The following ZNF83 variants were observed in gnomAD, a reference collection of about 807,000 sequenced individuals.
ZNF83 encodes zinc finger protein 816B.
For synonymous variants in ZNF83, 209 were observed against 213.0 expected (o/e 0.98, Z 0.17); for missense variants, 552 against 629.9 (o/e 0.88, Z 1.32).
intron 2 of ZNF83, among the ~76,000 whole-genome samples, chr19:52,622,705 C>A (rs1302536522): frequency 6.6e-6 from 1 of 152,244 alleles, no homozygotes; most frequent in African/African-American, 2.4e-5. Context: ...CACTTTACAG[C>A]CCTAGACCCT....
chr19:52,690,487 G>C (rs1043072072), exon 1 of ZNF83: 5 of 185,748 alleles, frequency 2.7e-5, no homozygotes, highest in African/African-American at 1.2e-4. Context: ...TTCCAGATTT[G>C]CGAGAATCTG....
intron 1 of ZNF83, among the ~76,000 whole-genome samples, chr19:52,676,430 G>C (rs935399699): frequency 2.6e-5 from 4 of 152,102 alleles, no homozygotes; most frequent in African/African-American, 9.6e-5. Context: ...GAGCGTCTCT[G>C]CCTGGCCGCC....
chr19:52,661,029 T>G (rs1315271936), intron 1 of ZNF83, among the ~76,000 whole-genome samples: 2 of 151,998 alleles, frequency 1.3e-5, no homozygotes, highest in Non-Finnish European at 2.9e-5. Context: ...GATGCACAGC[T>G]AATTTTTGTA....
At chr19:52,633,517 G>A (rs2061043469) in intron 2 of ZNF83, among the ~76,000 whole-genome samples, 1 of 152,208 alleles carries the variant, frequency 6.6e-6, no homozygotes, top group African/African-American at 2.4e-5. Context: ...CGGCTCCCCA[G>A]TGAGGCTGGA....
chr19:52,618,926 T>C (rs2060425910), intron 2 of ZNF83: 1 of 1,548,430 alleles, frequency 6.5e-7, no homozygotes, highest in Non-Finnish European at 8.8e-7. Flanking sequence ...TGGAGGGAAG[T>C]TATCCTCACC....
intron 2 of ZNF83, among the ~76,000 whole-genome samples, chr19:52,619,365 C>T (rs931878873): frequency 1.3e-5 from 2 of 152,182 alleles, no homozygotes; most frequent in Non-Finnish European, 2.9e-5. Flanking sequence ...CTGTGGCTCA[C>T]GCCTGTAATC....
intron 1 of ZNF83, chr19:52,636,387 T>A (rs1190830474): frequency 6.6e-6 from 1 of 151,836 alleles, no homozygotes; most frequent in East Asian, 1.9e-4. Context: ...ACTGCCCCAC[T>A]CCCTACCCCA....
At chr19:52,674,428 C>A (rs2061771041) in intron 1 of ZNF83, among the ~76,000 whole-genome samples, 1 of 151,996 alleles carries the variant, frequency 6.6e-6, no homozygotes, top group South Asian at 2.1e-4. Flanking sequence ...CTAGCCAGAG[C>A]AATGAAATAG....
At chr19:52,682,764 G>C (rs2061943652) in intron 1 of ZNF83, among the ~76,000 whole-genome samples, 1 of 152,158 alleles carries the variant, frequency 6.6e-6, no homozygotes, top group South Asian at 2.1e-4. Flanking sequence ...TAGCTCTTTG[G>C]GAGGCTAAAA....
At chr19:52,649,494 C>T (rs140249931) in intron 3 of ZNF83, among the ~76,000 whole-genome samples, 20 of 152,124 alleles carry the variant, frequency 1.3e-4, no homozygotes, top group African/African-American at 2.9e-4. Context: ...CAGAAATTCC[C>T]GACCCAAGAT....
rs1176393787 is a variant in ZNF83 at position 52,621,175 on chromosome 19, G to A, written c.-233-6378C>T. Among the ~76,000 whole-genome samples, 3 of 152,272 alleles carry A rather than the reference G, an allele frequency of 2.0e-5. No homozygotes were observed. In the East Asian group the frequency reaches 5.8e-4, roughly 29 times the overall value. ...ACTGATCCCCTGTCCTGATCTCCAT[G>A]AGGAGCTCCAGCTACGACCTCAGGT... On this transcript the variant is annotated intron_variant, in intron 2 of 2. Transcript: ENST00000301096.
exon 3 of ZNF83, chr19:52,613,761 C>G: frequency 7.1e-7 from 1 of 1,399,778 alleles, no homozygotes; most frequent in Non-Finnish European, 9.3e-7. Context: ...GATGGAAGAC[C>G]TTTCCACATA....
At chr19:52,614,409 T>C (rs1254150953) in exon 3 of ZNF83, 1 of 1,613,566 alleles carries the variant, frequency 6.2e-7, no homozygotes, top group East Asian at 2.2e-5. Flanking sequence ...GTGGGGAAAC[T>C]AAGGAACTAC....
exon 3 of ZNF83, chr19:52,614,188 C>CAT (rs781696776): frequency 1.9e-6 from 3 of 1,614,112 alleles, no homozygotes; most frequent in Non-Finnish European, 2.5e-6. Flanking sequence ...GATCTTGCCA[C>CAT]ATATATCACA....
At chr19:52,647,134 C>G (rs115349665) in intron 3 of ZNF83, among the ~76,000 whole-genome samples, 1 of 152,092 alleles carries the variant, frequency 6.6e-6, no homozygotes, top group South Asian at 2.1e-4. Context: ...TCCCACCTCA[C>G]CGCCCCACTT....
chr19:52,663,822 T>C (rs1489281861), intron 1 of ZNF83, among the ~76,000 whole-genome samples: 1 of 152,260 alleles, frequency 6.6e-6, no homozygotes, highest in Non-Finnish European at 1.5e-5. Context: ...ATATAATAGT[T>C]TGAAAATGAT....
chr19:52,630,691 C>T (rs1161046932), intron 2 of ZNF83, among the ~76,000 whole-genome samples: 1 of 152,042 alleles, frequency 6.6e-6, no homozygotes, highest in Non-Finnish European at 1.5e-5. Flanking sequence ...CACTCCTTCC[C>T]TGGCAACTGC....
chr19:52,682,270 A>G (rs1197707814), intron 1 of ZNF83, among the ~76,000 whole-genome samples: 3 of 152,222 alleles, frequency 2.0e-5, no homozygotes, highest in African/African-American at 7.2e-5. Context: ...GGACTTATCC[A>G]TCCATGTATT....
At chr19:52,685,939 T>C (rs1466760239) in intron 1 of ZNF83, among the ~76,000 whole-genome samples, 2 of 150,792 alleles carry the variant, frequency 1.3e-5, no homozygotes, top group Non-Finnish European at 2.9e-5. Flanking sequence ...CAGGAGTGCT[T>C]CTGGAACAGC....
Sources: allele counts gnomAD v4.1 joint callset (sites outside exome capture counted in the v4.1 genomes callset), GRCh38; gene constraint gnomAD v4.1.1; transcripts MANE v1.5; gene names NCBI Gene and HGNC (gene_info 2026-07-23, HGNC 2026-07-21).